Variants in TRHR observed in about 807,000 individuals in gnomAD.
TRHR encodes the protein thyrotropin releasing hormone receptor, also known as thyrotropin-releasing hormone receptor.
Under a neutral mutation model 28.0 loss-of-function variants are expected in TRHR, and 14 were observed. That is an observed-to-expected ratio of 0.50 (90% confidence interval 0.33 to 0.78). TRHR has a LOEUF of 0.78. TRHR is among the 30% of genes least tolerant of loss of function. TRHR has a pLI of 0.02. For synonymous variants in TRHR, 176 were observed against 171.9 expected (o/e 1.02, Z -0.18); for missense variants, 438 against 469.5 (o/e 0.93, Z 0.62).
intron 2 of TRHR, among the ~76,000 whole-genome samples, chr8:109,106,846 G>C (rs967005328): frequency 2.0e-5 from 3 of 152,066 alleles, no homozygotes. Context: ...CCTACTAAGT[G>C]CCAGAGCCTC....
intron 2 of TRHR, among the ~76,000 whole-genome samples, chr8:109,100,647 C>T (rs946727133): frequency 6.6e-6 from 1 of 152,082 alleles, no homozygotes; most frequent in African/African-American, 2.4e-5. Context: ...AAAGCTTATG[C>T]TCACAAAAAC....
chr8:109,113,492 A>C (rs1302334482), intron 2 of TRHR, among the ~76,000 whole-genome samples: 1 of 152,130 alleles, frequency 6.6e-6, no homozygotes, highest in Non-Finnish European at 1.5e-5. Context: ...AGAGGAACCT[A>C]AGGAGCTGTG....
At chr8:109,111,344 T>C (rs945030851) in intron 2 of TRHR, among the ~76,000 whole-genome samples, 3 of 152,176 alleles carry the variant, frequency 2.0e-5, no homozygotes, top group African/African-American at 7.2e-5. Flanking sequence ...TAACAAAATT[T>C]AAATAGTCAT....
rs1811962930 is a variant in TRHR at position 109,119,111 on chromosome 8, C to T, written c.853C>T (p.Leu285=). Residue 285 remains leucine, a synonymous_variant, in exon 3 of 3, where the codon CTA becomes TTA. Coordinates refer to ENST00000518632, the MANE Select transcript of TRHR (RefSeq NM_003301.7). The part of the protein sequence containing the change: ...FALLWMPYRT[L]VVVNSFLSSP... ...CCTTTTATGGATGCCCTACAGGACT[C>T]TAGTGGTTGTCAACTCATTTCTCTC... 1 of 1,612,848 alleles carries T rather than the reference C, an allele frequency of 6.2e-7. No individual in the cohort carries two copies. Among genetic ancestry groups the T allele is most frequent in the Non-Finnish European group, 8.5e-7 (1 of 1,179,218 alleles).
At chr8:109,110,806 G>A (rs1811820894) in intron 2 of TRHR, among the ~76,000 whole-genome samples, 1 of 152,082 alleles carries the variant, frequency 6.6e-6, no homozygotes, top group African/African-American at 2.4e-5. Context: ...TAAGCCCCAT[G>A]AATGATCTCA....
At chr8:109,097,899 A>G (rs1811618275) in intron 2 of TRHR, among the ~76,000 whole-genome samples, 1 of 152,218 alleles carries the variant, frequency 6.6e-6, no homozygotes, top group Non-Finnish European at 1.5e-5. Flanking sequence ...CAGAACCATA[A>G]TCAGTTTCCT....
At chr8:109,094,739 G>A (rs1218525320) in intron 2 of TRHR, among the ~76,000 whole-genome samples, 1 of 151,256 alleles carries the variant, frequency 6.6e-6, no homozygotes, top group Non-Finnish European at 1.5e-5. Context: ...AATAAACAAT[G>A]TGTCTTTATG....
At chr8:109,106,417 A>C (rs1811753025) in intron 2 of TRHR, among the ~76,000 whole-genome samples, 2 of 152,162 alleles carry the variant, frequency 1.3e-5, no homozygotes, top group African/African-American at 4.8e-5. Flanking sequence ...AGTAATAGGA[A>C]ATAAACTTAG....
chr8:109,101,432 T>G (rs1395130880), intron 2 of TRHR, among the ~76,000 whole-genome samples: 4 of 152,158 alleles, frequency 2.6e-5, no homozygotes, highest in Non-Finnish European at 5.9e-5. Flanking sequence ...CTGCAGACTA[T>G]GTGACGTGAA....
chr8:109,098,009 C>T (rs180873435), intron 2 of TRHR, among the ~76,000 whole-genome samples: 12 of 152,278 alleles, frequency 7.9e-5, no homozygotes, highest in African/African-American at 2.4e-4. Context: ...TCCAGTATCT[C>T]CCTTCTATTT....
At chr8:109,093,554 C>A in intron 2 of TRHR, among the ~76,000 whole-genome samples, 1 of 151,614 alleles carries the variant, frequency 6.6e-6, no homozygotes, top group South Asian at 2.1e-4. Flanking sequence ...TACAGGCATG[C>A]ACCACCATGG....
intron 2 of TRHR, among the ~76,000 whole-genome samples, chr8:109,110,138 A>C (rs964318311): frequency 6.6e-6 from 1 of 151,930 alleles, no homozygotes; most frequent in Non-Finnish European, 1.5e-5. Context: ...AAAGAACCCC[A>C]CCTATCTTTC....
At position 109,119,237 on chromosome 8, in the gene TRHR, T is replaced by C. The variant is rs1200189208; in HGVS notation, c.979T>C (p.Phe327Leu). ...PVIYNLMSQK[F>L]RAAFRKLCNC... The stretch of plus-strand genomic sequence containing the variant: ...GATTTACAATCTCATGTCCCAGAAA[T>C]TCCGTGCAGCCTTCAGAAAGCTCTG... Residue 327 changes from phenylalanine (F) to leucine (L), a missense_variant, in exon 3 of 3, where the codon TTC becomes CTC. Phe to Leu is a conservative substitution (Grantham distance 22). Transcript: ENST00000518632. 6.2e-7 allele frequency: 1 copy of C among 1,612,878 alleles called. No individual in the cohort carries two copies. The highest frequency in any genetic ancestry group is 1.3e-5 in the African/African-American group (1 of 74,854).
intron 2 of TRHR, among the ~76,000 whole-genome samples, chr8:109,104,162 C>T (rs1257978796): frequency 1.3e-5 from 2 of 152,038 alleles, no homozygotes; most frequent in Admixed American, 6.6e-5. Flanking sequence ...AAAATTATTA[C>T]AGTCAGAATT....
At chr8:109,102,765 T>C (rs943851882) in intron 2 of TRHR, among the ~76,000 whole-genome samples, 2 of 152,118 alleles carry the variant, frequency 1.3e-5, no homozygotes, top group African/African-American at 4.8e-5. Context: ...ATTCATTTTT[T>C]TAAAAATAAA....
intron 2 of TRHR, among the ~76,000 whole-genome samples, chr8:109,100,458 A>G (rs760587014): frequency 2.4e-4 from 37 of 152,272 alleles, no homozygotes; most frequent in Non-Finnish European, 2.9e-5. Context: ...GAATTCTAAA[A>G]TAGTAATTCT....
At chr8:109,106,344 T>A (rs1304769892) in intron 2 of TRHR, among the ~76,000 whole-genome samples, 1 of 152,158 alleles carries the variant, frequency 6.6e-6, no homozygotes, top group Non-Finnish European at 1.5e-5. Flanking sequence ...CTGAGCTTTG[T>A]ATCTTTTGGA....
chr8:109,091,091 G>A (rs533742991), intron 2 of TRHR, among the ~76,000 whole-genome samples: 47 of 152,304 alleles, frequency 3.1e-4, no homozygotes, highest in African/African-American at 8.9e-4. Context: ...TCTGACAGCC[G>A]TCGGGGAGGC....
intron 2 of TRHR, among the ~76,000 whole-genome samples, chr8:109,099,921 G>A (rs1811650781): frequency 6.6e-6 from 1 of 152,152 alleles, no homozygotes; most frequent in Non-Finnish European, 1.5e-5. Flanking sequence ...TTTTCTGTGG[G>A]CAGCAGCTCT....
Sources: allele counts gnomAD v4.1 joint callset (sites outside exome capture counted in the v4.1 genomes callset), GRCh38; gene constraint gnomAD v4.1.1; transcripts MANE v1.5; gene names NCBI Gene and HGNC (gene_info 2026-07-23, HGNC 2026-07-21).